The following RTCA variants were observed in gnomAD, a reference collection of about 807,000 sequenced individuals.
RTCA encodes the protein RNA terminal phosphate cyclase domain 1.
RTCA carries 37 observed loss-of-function variants against 46.1 expected under a neutral mutation model. That is an observed-to-expected ratio of 0.80 (90% CI 0.62 to 1.06). RTCA has a LOEUF of 1.06. Among genes scored for constraint, RTCA ranks in the 50% least tolerant of loss-of-function variants. The probability of loss-of-function intolerance (pLI) is 0.00; values close to 1 mark genes in which losing one functional copy is unlikely to be tolerated. For missense variants in RTCA, 435 were observed against 455.5 expected (o/e 0.95, Z 0.41); for synonymous variants, 164 against 158.3 (o/e 1.04, Z -0.27).
rs760862408 is a variant in RTCA, at chr1:100,266,495, C to G, written c.46-29C>G. 11 of 1,610,192 alleles carry G rather than the reference C, an allele frequency of 6.8e-6. No homozygotes were observed. The South Asian group carries it at 1.2e-4, about 18-fold the overall frequency. On this transcript the variant is annotated intron_variant, in intron 1 of 10. Transcript: ENST00000370128. ...GCTCTCACCACCGGTGTGCTTACTT[C>G]TCTTCTCCCTGTACCCCAACCTTTG... is the stretch of plus-strand genomic sequence containing the variant.
At chr1:100,281,822 T>A (rs1666727638) in intron 8 of RTCA, among the ~76,000 whole-genome samples, 1 of 151,860 alleles carries the variant, frequency 6.6e-6, no homozygotes, top group Non-Finnish European at 1.5e-5. Flanking sequence ...GTTCAAGCAA[T>A]CCTCCCACCG....
chr1:100,267,568 G>A, intron 2 of RTCA: 1 of 1,540,184 alleles, frequency 6.5e-7, no homozygotes, highest in Non-Finnish European at 8.8e-7. Flanking sequence ...CATGAGAAAA[G>A]GATCTGCTCC....
At chr1:100,277,836 T>C (rs569378083) in intron 8 of RTCA, among the ~76,000 whole-genome samples, 3 of 152,140 alleles carry the variant, frequency 2.0e-5, no homozygotes, top group African/African-American at 7.2e-5. Context: ...TTCTCAAGTC[T>C]CTTTAGTCCC....
intron 7 of RTCA, 24 bp from the exon 8 acceptor site, chr1:100,277,234 G>T (rs375485413): frequency 3.0e-5 from 49 of 1,607,182 alleles, no homozygotes; most frequent in Middle Eastern, 1.6e-4. Flanking sequence ...AGCAAAGGTA[G>T]TAATAACTTT....
intron 4 of RTCA, among the ~76,000 whole-genome samples, chr1:100,271,223 C>T (rs887887146): frequency 6.6e-6 from 1 of 151,728 alleles, no homozygotes; most frequent in African/African-American, 2.4e-5. Context: ...GTAGGCAGAT[C>T]ACTTGAGCTT....
intron 2 of RTCA, chr1:100,267,073 A>C (rs770571320): frequency 5.1e-5 from 11 of 217,034 alleles, no homozygotes; most frequent in Non-Finnish European, 1.0e-4. Flanking sequence ...CCCAGCCTTC[A>C]TTCATACCTC....
chr1:100,290,649 C>G (rs185199952), intron 10 of RTCA, among the ~76,000 whole-genome samples: 58 of 152,198 alleles, frequency 3.8e-4, no homozygotes, highest in African/African-American at 1.4e-3. Context: ...GCCTGTGGTC[C>G]CAGCTACACT....
chr1:100,270,815 C>T (rs937426648), intron 4 of RTCA, 135 bp downstream of exon 4: 11 of 902,432 alleles, frequency 1.2e-5, no homozygotes, highest in Admixed American at 2.9e-5. Context: ...TTCTTTCTTT[C>T]TTTTTTTTTT....
At position 100,268,203 on chromosome 1, in the gene RTCA, A is replaced by G. The variant is rs772495244; in HGVS notation, c.198A>G (p.Gln66=). The change falls in exon 3 of 11, where the codon CAA becomes CAG. Residue 66 remains glutamine, a synonymous_variant. Transcript: ENST00000370128. Reference sequence around the variant, plus strand: ...TGATTCGAGATTTGTGTGATGGGCAACTGGAGGGGGCAGAAATTGGCTCAA... The same window carrying G: ...TGATTCGAGATTTGTGTGATGGGCAGCTGGAGGGGGCAGAAATTGGCTCAA... ...LEMIRDLCDG[Q]LEGAEIGSTE... The G allele has an allele frequency of 1.9e-6, 3 of 1,614,198 alleles. No individual in the cohort carries two copies. In the South Asian group the frequency reaches 3.3e-5, roughly 18 times the overall value.
At chr1:100,270,165 A>G (rs1309194000) in intron 3 of RTCA, among the ~76,000 whole-genome samples, 1 of 152,068 alleles carries the variant, frequency 6.6e-6, no homozygotes, top group Non-Finnish European at 1.5e-5. Flanking sequence ...CATTTTCATA[A>G]ACTGCTAGTT....
chr1:100,275,474 AAATC>A, intron 6 of RTCA, 121 bp from the exon 7 acceptor site: 1 of 643,456 alleles, frequency 1.6e-6, no homozygotes, highest in South Asian at 3.2e-5. Flanking sequence ...GCTCTCTTGA[AAATC>A]AAGTTATTAA....
intron 4 of RTCA, 30 bp from the exon 5 acceptor site, chr1:100,273,364 T>G: frequency 6.9e-7 from 1 of 1,441,802 alleles, no homozygotes; most frequent in Non-Finnish European, 9.6e-7. Context: ...TATTGCTGAT[T>G]AACCTAATGA....
intron 8 of RTCA, among the ~76,000 whole-genome samples, chr1:100,284,655 A>G (rs761742685): frequency 3.3e-5 from 5 of 152,208 alleles, no homozygotes; most frequent in Non-Finnish European, 7.3e-5. Context: ...CAGCCTCCCA[A>G]AGCATTGGGA....
chr1:100,266,292 C>T lies in RTCA; in HGVS notation c.-84C>T. On this transcript the variant is annotated 5_prime_UTR_variant, in exon 1 of 11. Transcript: ENST00000370128. ...CCAGGCATGAACCAAGGTTTCTGAA[C>T]TACTGGGCGGGAGCCAACGTCTCTT... 6.5e-7 allele frequency: 1 copy of T among 1,547,832 alleles called. No individual in the cohort carries two copies.
intron 9 of RTCA, among the ~76,000 whole-genome samples, chr1:100,286,467 A>C (rs973690423): frequency 3.3e-5 from 5 of 151,182 alleles, no homozygotes; most frequent in South Asian, 2.1e-4. Flanking sequence ...AAAAAAAAAA[A>C]AAAAAAAAAC....
intron 8 of RTCA, chr1:100,281,379 T>C: frequency 3.9e-6 from 2 of 510,650 alleles, no homozygotes; most frequent in Non-Finnish European, 8.0e-6. Flanking sequence ...GTCCTGTCAT[T>C]ATCATGCATA....
chr1:100,270,768 G>A, intron 4 of RTCA, 88 bp downstream of exon 4: 2 of 1,447,586 alleles, frequency 1.4e-6, no homozygotes, highest in Non-Finnish European at 1.9e-6. Flanking sequence ...GTGTTTTTTT[G>A]TGACTTTCTT....
chr1:100,271,039 C>T (rs545209489), intron 4 of RTCA, among the ~76,000 whole-genome samples: 1 of 151,938 alleles, frequency 6.6e-6, no homozygotes, highest in African/African-American at 2.4e-5. Flanking sequence ...TAAGGATCCT[C>T]CCACCTCAGC....
intron 8 of RTCA, among the ~76,000 whole-genome samples, chr1:100,281,579 A>G (rs1666709084): frequency 6.6e-6 from 1 of 152,198 alleles, no homozygotes; most frequent in South Asian, 2.1e-4. Flanking sequence ...TATGGGAGCA[A>G]AATAATCTGC....
Sources: allele counts gnomAD v4.1 joint callset (sites outside exome capture counted in the v4.1 genomes callset), GRCh38; gene constraint gnomAD v4.1.1; transcripts MANE v1.5; gene names NCBI Gene and HGNC (gene_info 2026-07-23, HGNC 2026-07-21).